Variants in ADAM10 observed in about 807,000 individuals in gnomAD.
The protein encoded by ADAM10 is ADAM metallopeptidase domain 10, also known as disintegrin and metalloproteinase domain-containing protein 10.
A neutral mutation model predicts 90.1 loss-of-function variants in ADAM10; 17 were observed. The ratio of observed to expected loss-of-function variants is 0.19; its 90% CI spans 0.13 to 0.28. ADAM10 has a LOEUF of 0.28. ADAM10 is among the 10% of genes least tolerant of loss of function. ADAM10 has a pLI of 1.00. For synonymous variants in ADAM10, 310 were observed against 298.6 expected (o/e 1.04, Z -0.40); for missense variants, 610 against 914.3 (o/e 0.67, Z 4.29).
chr15:58,736,484 G>C (rs1213166317), intron 1 of ADAM10, among the ~76,000 whole-genome samples: 1 of 152,064 alleles, frequency 6.6e-6, no homozygotes, highest in Admixed American at 6.6e-5. Flanking sequence ...TGGGAAATTT[G>C]AACATCTCCA....
At chr15:58,606,951 G>T (rs1001368202) in intron 14 of ADAM10, among the ~76,000 whole-genome samples, 16 of 152,228 alleles carry the variant, frequency 1.1e-4, no homozygotes, top group African/African-American at 3.9e-4. Flanking sequence ...AGCAGCCAAA[G>T]ACAATGTGTA....
Position 58,749,676 on chromosome 15 carries a change from C to G in ADAM10, c.-142G>C. On this transcript the variant is annotated 5_prime_UTR_variant, in exon 1 of 16. Coordinates refer to ENST00000260408, the MANE Select transcript of ADAM10 (RefSeq NM_001110.4). The stretch of plus-strand genomic sequence containing the variant: ...CCTGGCAGGAGAAACGGCGAAGCAC[C>G]TCCCTCTCGCTCCACTTCAGGGGCC... The G allele has an allele frequency of 1.4e-6, 2 of 1,453,768 alleles. No individual in the cohort carries two copies. Among genetic ancestry groups the G allele is most frequent in the Non-Finnish European group, 1.8e-6 (2 of 1,090,844 alleles). 90.1% of individuals were successfully genotyped at this position (1,453,768 alleles called of 1,614,324 possible).
At chr15:58,628,183 T>G (rs1896000523) in intron 9 of ADAM10, among the ~76,000 whole-genome samples, 1 of 152,230 alleles carries the variant, frequency 6.6e-6, no homozygotes, top group Admixed American at 6.5e-5. Context: ...GCTCACATAC[T>G]TTTAAAACTA....
At position 58,621,641 on chromosome 15, in the gene ADAM10, CAAAG is replaced by C; in HGVS notation, c.1361-24_1361-21del. 1 of 1,613,186 alleles carries C rather than the reference CAAAG, an allele frequency of 6.2e-7. No individual in the cohort carries two copies. The highest frequency in any genetic ancestry group is 1.3e-5 in the African/African-American group (1 of 75,030). ...CAGATTCTGAGGAAAATAAACAAGA[CAAAG>C]TAAGCATTGTGTGCACACATTAATT... On this transcript the variant is annotated intron_variant, in intron 10 of 15. Coordinates refer to ENST00000260408, the MANE Select transcript of ADAM10 (RefSeq NM_001110.4).
intron 11 of ADAM10, among the ~76,000 whole-genome samples, chr15:58,614,512 G>C (rs181346353): frequency 6.6e-6 from 1 of 152,256 alleles, no homozygotes; most frequent in African/African-American, 2.4e-5. Context: ...GGCATGGAGA[G>C]AATGGGATAA....
At chr15:58,648,121 C>A (rs1896600447) in intron 5 of ADAM10, among the ~76,000 whole-genome samples, 3 of 152,190 alleles carry the variant, frequency 2.0e-5, no homozygotes, top group African/African-American at 7.2e-5. Flanking sequence ...ATTTGCTTCA[C>A]TATAGTAACC....
intron 1 of ADAM10, chr15:58,747,572 A>G (rs1899831730): frequency 6.6e-6 from 1 of 152,232 alleles, no homozygotes; most frequent in Non-Finnish European, 1.5e-5. Context: ...CCCCATAGTT[A>G]CAATAAAATT....
At chr15:58,692,416 T>G in intron 2 of ADAM10, 1 of 562,592 alleles carries the variant, frequency 1.8e-6, no homozygotes, top group Non-Finnish European at 3.6e-6. Context: ...CTTCTTATTA[T>G]TCTTATCAGT....
chr15:58,718,529 T>C (rs561223221), intron 1 of ADAM10, among the ~76,000 whole-genome samples: 1 of 152,328 alleles, frequency 6.6e-6, no homozygotes, highest in Non-Finnish European at 1.5e-5. Context: ...GACAAATTTA[T>C]GTAGAATGAG....
rs146197389 is a variant in ADAM10, at chr15:58,626,757, C to T, written c.1360+943G>A. On this transcript the variant is annotated intron_variant, in intron 10 of 15. Transcript: ENST00000260408. ...ACTTACATGAGATACCCAGAATAGG[C>T]CAATTCATAAAGACAGAAAGTGGAT... Among the ~76,000 whole-genome samples the T allele has an allele frequency of 9.6e-3, 1,463 of 152,130 alleles. 21 individuals carry two copies. Among genetic ancestry groups the T allele is most frequent in the African/African-American group, 0.033 (1,381 of 41,494 alleles).
At chr15:58,653,874 A>C (rs771285471) in intron 5 of ADAM10, among the ~76,000 whole-genome samples, 2 of 152,146 alleles carry the variant, frequency 1.3e-5, no homozygotes, top group Non-Finnish European at 2.9e-5. Context: ...TTTTTATTAC[A>C]GCTTCAATTT....
chr15:58,692,190 A>C, intron 2 of ADAM10: 1 of 559,624 alleles, frequency 1.8e-6, no homozygotes. Flanking sequence ...GGTCAAAGGG[A>C]GCCTGATGAG....
At chr15:58,618,577 G>A (rs370819576) in intron 11 of ADAM10, among the ~76,000 whole-genome samples, 4 of 152,220 alleles carry the variant, frequency 2.6e-5, no homozygotes, top group South Asian at 2.1e-4. Flanking sequence ...GTGAAGAGAC[G>A]ATCTGCTGAA....
chr15:58,694,494 G>A (rs1189584774), intron 2 of ADAM10, among the ~76,000 whole-genome samples: 5 of 152,030 alleles, frequency 3.3e-5, no homozygotes. Flanking sequence ...GTTGGCTAGT[G>A]CCTGTAATCC....
intron 1 of ADAM10, chr15:58,749,081 C>A: frequency 2.5e-6 from 1 of 398,624 alleles, no homozygotes; most frequent in African/African-American, 2.1e-5. Context: ...ACGAGGACGG[C>A]GAGACCGCCA....
chr15:58,647,248 A>ATTT (rs67378373), intron 5 of ADAM10, among the ~76,000 whole-genome samples: 1,330 of 59,404 alleles, frequency 0.022, 362 homozygotes, highest in Non-Finnish European at 0.034. Context: ...GACACTAAGT[A>ATTT]TTTTTTTTTT....
intron 1 of ADAM10, among the ~76,000 whole-genome samples, chr15:58,731,407 C>A (rs1302341990): frequency 1.3e-5 from 2 of 151,898 alleles, no homozygotes; most frequent in Non-Finnish European, 2.9e-5. Flanking sequence ...TCGCTTAAAC[C>A]CAGGAATTAG....
intron 4 of ADAM10, among the ~76,000 whole-genome samples, chr15:58,667,745 G>T (rs1897110226): frequency 6.6e-6 from 1 of 151,638 alleles, no homozygotes; most frequent in East Asian, 1.9e-4. Context: ...ATGGAGAGTA[G>T]AAGAAAGGAT....
chr15:58,740,668 G>T (rs1484636107), intron 1 of ADAM10, among the ~76,000 whole-genome samples: 1 of 152,060 alleles, frequency 6.6e-6, no homozygotes, highest in Non-Finnish European at 1.5e-5. Context: ...GCTTCCCAAA[G>T]TGCTGGGATC....
Sources: gnomAD v4.1 joint callset for allele counts (sites outside exome capture counted in the v4.1 genomes callset) on GRCh38, gnomAD v4.1.1 for gene constraint, MANE v1.5 for transcripts, NCBI Gene and HGNC (gene_info 2026-07-23, HGNC 2026-07-21) for gene names.